SQOR: variants seen among roughly 807,000 people sequenced by gnomAD.
SQOR encodes sulfide:quinone oxidoreductase, mitochondrial.
SQOR carries 39 observed loss-of-function variants against 48.6 expected under a neutral mutation model. The ratio of observed to expected loss-of-function variants is 0.80; its 90% confidence interval spans 0.62 to 1.05. The LOEUF (loss-of-function observed/expected upper bound fraction) is 1.05, where lower values mean the gene tolerates loss of function less well. Ranked by LOEUF, SQOR falls within the 50% of genes least tolerant of loss-of-function variation. SQOR has a pLI of 0.00. For missense variants in SQOR, 561 were observed against 559.9 expected (o/e 1.00, Z -0.02); for synonymous variants, 220 against 206.2 (o/e 1.07, Z -0.57).
chr15:45,654,362 T>C (rs183774354), intron 1 of SQOR, among the ~76,000 whole-genome samples: 1 of 152,306 alleles, frequency 6.6e-6, no homozygotes, highest in East Asian at 1.9e-4. Flanking sequence ...GTTTGTGAAG[T>C]TGTTTCTTAT....
upstream of SQOR, chr15:45,631,686 C>T (rs1894901543): frequency 6.6e-6 from 1 of 152,350 alleles, no homozygotes; most frequent in Non-Finnish European, 1.5e-5. Context: ...TCCACCCATT[C>T]CTGTTGCCAG....
chr15:45,679,968 T>C (rs12903858), intron 6 of SQOR, among the ~76,000 whole-genome samples: 56,579 of 152,160 alleles, frequency 0.37, 11,453 homozygotes, highest in Non-Finnish European at 0.44. Context: ...ACCACACTGA[T>C]TGGACTATGT....
intron 1 of SQOR, chr15:45,645,989 C>G (rs1895198000): frequency 6.6e-6 from 1 of 152,200 alleles, no homozygotes; most frequent in South Asian, 2.1e-4. Context: ...ACAAAGGGTC[C>G]TGACTCACCA....
intron 6 of SQOR, among the ~76,000 whole-genome samples, chr15:45,679,138 T>A (rs1349171167): frequency 1.3e-5 from 2 of 152,170 alleles, no homozygotes; most frequent in African/African-American, 2.4e-5. Flanking sequence ...GGGTTTGTAA[T>A]TAAAGAAGAT....
chr15:45,656,875 G>GCCTCCTGCAAC (rs1889620629), intron 1 of SQOR, among the ~76,000 whole-genome samples: 1 of 83,828 alleles, frequency 1.2e-5, no homozygotes, highest in Non-Finnish European at 2.6e-5. Context: ...CATGATCTCA[G>GCCTCCTGCAAC]CTTACTGCAA....
intron 1 of SQOR, among the ~76,000 whole-genome samples, chr15:45,639,385 C>T (rs1177108945): frequency 6.6e-6 from 1 of 152,206 alleles, no homozygotes; most frequent in Admixed American, 6.5e-5. Flanking sequence ...TTATGATCAT[C>T]CTTAAATACC....
Position 45,651,032 on chromosome 15 carries a change from G to T in SQOR, c.-17-7875G>T, listed in dbSNP as rs530030746. Among the ~76,000 whole-genome samples the T allele has an allele frequency of 3.3e-5, 5 of 152,260 alleles. No homozygotes were observed. The South Asian group carries it at 6.2e-4, about 19-fold the overall frequency. On this transcript the variant is annotated intron_variant, in intron 1 of 9. Coordinates refer to ENST00000260324, the MANE Select transcript of SQOR (RefSeq NM_021199.4). ...CACCTGCACTCCTCAGCCCTTGGGC[G>T]GTCAATGGGACAGGGCATCACAGAG... is the stretch of plus-strand genomic sequence containing the variant.
intron 1 of SQOR, among the ~76,000 whole-genome samples, chr15:45,653,059 T>TAG (rs1412180951): frequency 6.6e-6 from 1 of 152,192 alleles, no homozygotes; most frequent in African/African-American, 2.4e-5. Context: ...ATGTCAGAAA[T>TAG]TACTGTTGGT....
intron 3 of SQOR, among the ~76,000 whole-genome samples, chr15:45,663,792 G>GA (rs978750426): frequency 6.6e-6 from 1 of 151,890 alleles, no homozygotes; most frequent in Non-Finnish European, 1.5e-5. Context: ...AACACAAAAA[G>GA]AAAAAAAGAG....
chr15:45,661,174 C>T (rs973318137), intron 2 of SQOR, among the ~76,000 whole-genome samples: 16 of 150,924 alleles, frequency 1.1e-4, no homozygotes, highest in Middle Eastern at 3.2e-3. Flanking sequence ...CCCAGCTACT[C>T]AGGAGGCTGA....
chr15:45,645,303 T>G (rs569097399), intron 1 of SQOR, among the ~76,000 whole-genome samples: 1 of 152,312 alleles, frequency 6.6e-6, no homozygotes, highest in East Asian at 1.9e-4. Flanking sequence ...CTTTTTAAGG[T>G]ATTTCCAGAT....
At chr15:45,632,403 G>T (rs963433972), upstream of SQOR, among the ~76,000 whole-genome samples, 5 of 151,804 alleles carry the variant, frequency 3.3e-5, no homozygotes, top group African/African-American at 1.2e-4. Flanking sequence ...TGTATTTTTA[G>T]TAGAGACGGG....
chr15:45,639,330 A>G (rs982286910), intron 1 of SQOR, among the ~76,000 whole-genome samples: 3 of 152,246 alleles, frequency 2.0e-5, no homozygotes, highest in Non-Finnish European at 4.4e-5. Context: ...TGCCATGTAC[A>G]TAGTAAGTAC....
chr15:45,676,007 T>C (rs1381560372), intron 5 of SQOR, 94 bp from the exon 6 acceptor site: 1 of 1,241,852 alleles, frequency 8.1e-7, no homozygotes, highest in Non-Finnish European at 1.1e-6. Context: ...GCTAGCAAGG[T>C]CCCTGCTGAG....
chr15:45,633,623 G>A (rs1894938731), upstream of SQOR, among the ~76,000 whole-genome samples: 1 of 151,158 alleles, frequency 6.6e-6, no homozygotes, highest in African/African-American at 2.4e-5. Flanking sequence ...GAATCCGGGA[G>A]GTGGACGTTG....
intron 6 of SQOR, among the ~76,000 whole-genome samples, chr15:45,679,593 T>C (rs7342602): frequency 0.79 from 119,539 of 152,012 alleles, 47,313 homozygotes; most frequent in South Asian, 0.88. Flanking sequence ...CCCAGCTACT[T>C]GGGAGGCTGA....
intron 6 of SQOR, among the ~76,000 whole-genome samples, chr15:45,677,595 A>G (rs973467323): frequency 6.6e-6 from 1 of 152,178 alleles, no homozygotes; most frequent in African/African-American, 2.4e-5. Context: ...TGATATTTTG[A>G]AATAATACAG....
At chr15:45,656,041 T>C (rs1265161308) in intron 1 of SQOR, among the ~76,000 whole-genome samples, 1 of 151,950 alleles carries the variant, frequency 6.6e-6, no homozygotes, top group Non-Finnish European at 1.5e-5. Context: ...TTGTTGCTGT[T>C]GAGACATATT....
At chr15:45,669,772 A>G (rs1403507206) in intron 3 of SQOR, among the ~76,000 whole-genome samples, 156 bp from the exon 4 acceptor site, 2 of 152,210 alleles carry the variant, frequency 1.3e-5, no homozygotes, top group African/African-American at 4.8e-5. Flanking sequence ...CAGGACTCCC[A>G]ACCTTGTTCT....
Sources: allele counts gnomAD v4.1 joint callset (sites outside exome capture counted in the v4.1 genomes callset), GRCh38; gene constraint gnomAD v4.1.1; transcripts MANE v1.5; gene names NCBI Gene and HGNC (gene_info 2026-07-23, HGNC 2026-07-21).